The following KANK1 variants were observed in gnomAD, a reference collection of about 807,000 sequenced individuals.
KANK1 encodes KN motif and ankyrin repeat domain-containing protein 1.
KANK1 carries 109 observed loss-of-function variants against 106.2 expected under a neutral mutation model. The ratio of observed to expected loss-of-function variants is 1.03; its 90% CI spans 0.88 to 1.20. The LOEUF (loss-of-function observed/expected upper bound fraction) is 1.20. Ranked by LOEUF, KANK1 falls within the 50% of genes most tolerant of loss-of-function variation. The probability of loss-of-function intolerance (pLI) is 0.00; values close to 1 mark genes in which losing one functional copy is unlikely to be tolerated. For missense variants in KANK1, 2,399 were observed against 1,710.7 expected (o/e 1.40, Z -7.10); for synonymous variants, 873 against 652.2 (o/e 1.34, Z -5.16).
At chr9:549,978 A>G (rs2061174035) in intron 1 of KANK1, among the ~76,000 whole-genome samples, 1 of 152,106 alleles carries the variant, frequency 6.6e-6, no homozygotes, top group Non-Finnish European at 1.5e-5. Flanking sequence ...TATACAAAGG[A>G]GAATTAACAC....
intron 3 of KANK1, among the ~76,000 whole-genome samples, chr9:723,144 A>T (rs1345747683): frequency 6.6e-6 from 1 of 152,176 alleles, no homozygotes; most frequent in Non-Finnish European, 1.5e-5. Context: ...TCACAGGACC[A>T]CTCTGAACAG....
At position 676,967 on chromosome 9, in the gene KANK1, G is replaced by A. The variant is rs1816537268; in HGVS notation, c.-6G>A. 2 of 1,613,512 alleles carry A rather than the reference G, an allele frequency of 1.2e-6. No homozygotes were observed. The highest frequency in any genetic ancestry group is 1.7e-5 in the Admixed American group (1 of 59,960). ...TTTCTGGATCTCTCATTGGACTCAAGCCAGCATGGCTCACACCACAAAGGT... is the reference window on the plus strand; with the variant it reads ...TTTCTGGATCTCTCATTGGACTCAAACCAGCATGGCTCACACCACAAAGGT... On this transcript the variant is annotated 5_prime_UTR_variant, in exon 2 of 12. Transcript: ENST00000382297.
chr9:542,662 C>A (rs1374577482), intron 1 of KANK1, among the ~76,000 whole-genome samples: 1 of 152,176 alleles, frequency 6.6e-6, no homozygotes, highest in East Asian at 1.9e-4. Flanking sequence ...AAGTGTTCAT[C>A]AGTAGATGAA....
chr9:471,251 T>G (rs1298489051), intron 2 of KANK1, among the ~76,000 whole-genome samples: 1 of 152,132 alleles, frequency 6.6e-6, no homozygotes, highest in South Asian at 2.1e-4. Flanking sequence ...TAGTGCCAGC[T>G]GAGTGGAATG....
At chr9:634,071 G>A (rs1428403950) in intron 1 of KANK1, among the ~76,000 whole-genome samples, 3 of 152,186 alleles carry the variant, frequency 2.0e-5, no homozygotes, top group Admixed American at 6.5e-5. Context: ...ATTTGTAATT[G>A]CCCAATTGCA....
At chr9:558,597 T>C (rs1325184787) in intron 1 of KANK1, among the ~76,000 whole-genome samples, 3 of 152,060 alleles carry the variant, frequency 2.0e-5, no homozygotes, top group Non-Finnish European at 4.4e-5. Flanking sequence ...AGGCACATCA[T>C]GGCCTTGTTG....
At chr9:705,184 GT>G (rs1451068708) in intron 2 of KANK1, among the ~76,000 whole-genome samples, 2 of 152,066 alleles carry the variant, frequency 1.3e-5, no homozygotes, top group Admixed American at 1.3e-4. Flanking sequence ...GTTTTTCAAA[GT>G]TTATTATCTT....
intron 1 of KANK1, among the ~76,000 whole-genome samples, chr9:551,362 G>C (rs2061271917): frequency 1.3e-5 from 2 of 152,024 alleles, no homozygotes; most frequent in African/African-American, 2.4e-5. Context: ...TTATAGGCGT[G>C]ATTCCCAAAT....
chr9:487,936 T>G (rs2058320543), intron 3 of KANK1: 1 of 152,170 alleles, frequency 6.6e-6, no homozygotes, highest in Non-Finnish European at 1.5e-5. Flanking sequence ...TCTTGTAGAA[T>G]TTCTGCTTCA....
At chr9:745,032 C>T (rs916819114) in intron 11 of KANK1, 141 bp from the exon 12 acceptor site, 1 of 1,515,812 alleles carries the variant, frequency 6.6e-7, no homozygotes. Flanking sequence ...GACACCTGTT[C>T]CCTGTTCTCA....
intron 1 of KANK1, among the ~76,000 whole-genome samples, chr9:513,423 G>GT (rs1173121385): frequency 1.4e-4 from 22 of 151,770 alleles, no homozygotes; most frequent in African/African-American, 5.4e-4. Context: ...GGTGTTTTGG[G>GT]TTTTTTCTTT....
At chr9:672,114 C>G (rs749914763) in intron 1 of KANK1, among the ~76,000 whole-genome samples, 1 of 152,074 alleles carries the variant, frequency 6.6e-6, no homozygotes, top group Non-Finnish European at 1.5e-5. Flanking sequence ...ACAATAGTGC[C>G]CTTACTCTAA....
chr9:676,418 C>T (rs1816423823), intron 1 of KANK1, among the ~76,000 whole-genome samples: 1 of 152,138 alleles, frequency 6.6e-6, no homozygotes, highest in Admixed American at 6.5e-5. Context: ...GGTAGAAAGA[C>T]TTCGGATATC....
intron 2 of KANK1, among the ~76,000 whole-genome samples, chr9:700,130 T>TTGA (rs1822285935): frequency 6.6e-6 from 1 of 152,188 alleles, no homozygotes; most frequent in South Asian, 2.1e-4. Context: ...TGCCCATCAT[T>TTGA]TGAATGCCTG....
chr9:645,733 T>G (rs1000352846), intron 1 of KANK1, among the ~76,000 whole-genome samples: 1 of 150,512 alleles, frequency 6.6e-6, no homozygotes, highest in African/African-American at 2.5e-5. Context: ...AATACGGAAA[T>G]TAGCCGGGTG....
In KANK1 at chr9:561,807, A is replaced by G. The variant is rs190579578; in HGVS notation, c.-84+57053A>G. On this transcript the variant is annotated intron_variant, in intron 1 of 11. Transcript: ENST00000382297. ...CTTTCACATTTCAGTCTTACTATGT[A>G]AGTCACACTGTTAAAGAAAACTGTC... is the stretch of plus-strand genomic sequence containing the variant. Among the ~76,000 whole-genome samples, 13 of 152,356 alleles carry G rather than the reference A, an allele frequency of 8.5e-5. No homozygotes were observed. The East Asian group carries it at 2.3e-3, about 27-fold the overall frequency.
chr9:579,752 C>G (rs1347576858), intron 1 of KANK1, among the ~76,000 whole-genome samples: 1 of 152,146 alleles, frequency 6.6e-6, no homozygotes, highest in African/African-American at 2.4e-5. Flanking sequence ...GGAACAAAAG[C>G]ATTCTCCCTA....
In KANK1 at chr9:697,860, G is replaced by A. The variant is rs557498307; in HGVS notation, c.38-12944G>A. Among the ~76,000 whole-genome samples the A allele has an allele frequency of 1.1e-3, 169 of 152,068 alleles. 1 individual carries two copies. Among genetic ancestry groups the A allele is most frequent in the Non-Finnish European group, 1.7e-3 (118 of 68,014 alleles). On this transcript the variant is annotated intron_variant, in intron 2 of 11. Coordinates refer to ENST00000382297, the MANE Select transcript of KANK1 (RefSeq NM_015158.5). ...AATAGCCAATCTGATGTGTGCTGAC[G>A]ATTGAGACTAATAACTGGTAGGCGG... is the stretch of plus-strand genomic sequence containing the variant.
intron 1 of KANK1, among the ~76,000 whole-genome samples, chr9:565,444 G>A (rs1374930112): frequency 2.0e-5 from 3 of 152,216 alleles, no homozygotes; most frequent in Non-Finnish European, 4.4e-5. Flanking sequence ...CCATGGTATT[G>A]CAGTAAAGAA....
Sources: allele counts gnomAD v4.1 joint callset (sites outside exome capture counted in the v4.1 genomes callset), GRCh38; gene constraint gnomAD v4.1.1; transcripts MANE v1.5; gene names NCBI Gene and HGNC (gene_info 2026-07-23, HGNC 2026-07-21).